The following RBFOX1 variants were observed in gnomAD, a reference collection of about 807,000 sequenced individuals.
RBFOX1 encodes RNA binding fox-1 homolog 1.
In RBFOX1, 8 loss-of-function variants were observed where a neutral mutation model predicts 57.7. The observed-to-expected ratio is 0.14, with a 90% CI of 0.08 to 0.25. RBFOX1 has a LOEUF of 0.25. Ranked by LOEUF, RBFOX1 falls within the 10% of genes least tolerant of loss-of-function variation. The probability of loss-of-function intolerance (pLI) is 1.00; values close to 1 mark genes in which losing one functional copy is unlikely to be tolerated. For synonymous variants in RBFOX1, 326 were observed against 222.4 expected (o/e 1.47, Z -4.15); for missense variants, 611 against 548.5 (o/e 1.11, Z -1.14).
chr16:6,010,047 C>G (rs143434631), intron 4 of RBFOX1, among the ~76,000 whole-genome samples: 3 of 152,062 alleles, frequency 2.0e-5, no homozygotes, highest in Non-Finnish European at 4.4e-5. Context: ...TTATCAGGCA[C>G]GTGGCTGCTG....
At chr16:6,897,160 G>A (rs1048248933) in intron 3 of RBFOX1, among the ~76,000 whole-genome samples, 1 of 152,194 alleles carries the variant, frequency 6.6e-6, no homozygotes, top group African/African-American at 2.4e-5. Context: ...AGCTGACACA[G>A]CGGCTGTAGA....
rs144521154 is a variant in RBFOX1, at chr16:6,549,269, G to C, written c.-63-105334G>C. ...GTAGGAGGAGGGAGGAGGAGGAGAG[G>C]AGGGAGGAGGAGGAGGGAGGAGTAG... On this transcript the variant is annotated intron_variant, in intron 2 of 15. Transcript: ENST00000550418. Among the ~76,000 whole-genome samples the C allele has an allele frequency of 4.4e-3, 54 of 12,142 alleles. 4 individuals are homozygous for C. Among genetic ancestry groups the C allele is most frequent in the African/African-American group, 0.017 (39 of 2,236 alleles). The allele number at this position is 12,142 out of a possible 152,430, so 8.0% of individuals were successfully genotyped here. A position where few individuals can be genotyped will look rare whatever the true frequency, so the allele number is the denominator to read the frequency against.
At chr16:7,610,777 G>A (rs1056593403) in intron 10 of RBFOX1, among the ~76,000 whole-genome samples, 6 of 152,216 alleles carry the variant, frequency 3.9e-5, no homozygotes, top group Non-Finnish European at 8.8e-5. Flanking sequence ...TCAGGCACCT[G>A]CATCTATGGA....
intron 2 of RBFOX1, among the ~76,000 whole-genome samples, chr16:6,416,518 A>G (rs2093628848): frequency 6.6e-6 from 1 of 151,772 alleles, no homozygotes; most frequent in Non-Finnish European, 1.5e-5. Context: ...TTACTGAAAG[A>G]GATTGTATTA....
At chr16:6,240,364 T>C (rs1567751457) in intron 1 of RBFOX1, among the ~76,000 whole-genome samples, 1 of 152,190 alleles carries the variant, frequency 6.6e-6, no homozygotes, top group Non-Finnish European at 1.5e-5. Flanking sequence ...TATCTTAAAG[T>C]AACTGTTGGC....
intron 3 of RBFOX1, among the ~76,000 whole-genome samples, chr16:6,686,488 G>C (rs928401186): frequency 1.3e-5 from 2 of 152,166 alleles, no homozygotes; most frequent in African/African-American, 2.4e-5. Context: ...ACGTGGTTGT[G>C]TCGTTTAAGT....
At chr16:5,671,927 A>G (rs1036927564) in intron 3 of RBFOX1, among the ~76,000 whole-genome samples, 1 of 152,180 alleles carries the variant, frequency 6.6e-6, no homozygotes, top group Admixed American at 6.5e-5. Flanking sequence ...AGCTTTTTCC[A>G]GGTAGAGTCA....
chr16:5,429,334 A>C (rs1219860489), intron 1 of RBFOX1, among the ~76,000 whole-genome samples: 2 of 152,134 alleles, frequency 1.3e-5, no homozygotes, highest in African/African-American at 4.8e-5. Context: ...ATTTCTCCGC[A>C]CTGGGTTCAC....
At chr16:5,391,898 C>G (rs2066420315) in intron 1 of RBFOX1, among the ~76,000 whole-genome samples, 1 of 151,134 alleles carries the variant, frequency 6.6e-6, no homozygotes, top group South Asian at 2.1e-4. Flanking sequence ...TATACACACA[C>G]ACACACACAC....
At position 6,256,213 on chromosome 16, in the gene RBFOX1, A is replaced by ATATATATGTG. The variant is rs1567788273; in HGVS notation, c.-126-60773_-126-60772insGTATATATGT. On this transcript the variant is annotated intron_variant, in intron 1 of 15. Transcript: ENST00000550418. ...TATATATATGTATATGTATATGTGT[A>ATATATATGTG]TATATATGTATATATATATGTGTAT... is the stretch of plus-strand genomic sequence containing the variant. Among the ~76,000 whole-genome samples the ATATATATGTG allele has an allele frequency of 1.9e-4, 13 of 67,116 alleles. 1 individual carries two copies. Among genetic ancestry groups the ATATATATGTG allele is most frequent in the Non-Finnish European group, 1.5e-4 (5 of 34,206 alleles). The allele number at this position is 67,116 out of a possible 152,430, so 44.0% of individuals were successfully genotyped here. A position where few individuals can be genotyped will look rare whatever the true frequency, so the allele number is the denominator to read the frequency against.
chr16:7,103,379 A>G (rs917472043), intron 4 of RBFOX1, among the ~76,000 whole-genome samples: 4 of 152,164 alleles, frequency 2.6e-5, no homozygotes, highest in African/African-American at 7.2e-5. Flanking sequence ...TAAAATAGCA[A>G]ATGAAGCTGG....
intron 4 of RBFOX1, among the ~76,000 whole-genome samples, chr16:7,271,731 G>T (rs770212147): frequency 7.9e-5 from 12 of 152,132 alleles, no homozygotes; most frequent in East Asian, 5.8e-4. Context: ...GCATAAAGTC[G>T]GTCCTGCTTC....
chr16:6,662,837 T>C (rs2098709934), intron 3 of RBFOX1, among the ~76,000 whole-genome samples: 1 of 152,230 alleles, frequency 6.6e-6, no homozygotes, highest in African/African-American at 2.4e-5. Context: ...CTGCTCTTTC[T>C]GTTTACTTCA....
At chr16:5,459,534 C>T (rs1475680689) in intron 1 of RBFOX1, among the ~76,000 whole-genome samples, 1 of 152,116 alleles carries the variant, frequency 6.6e-6, no homozygotes, top group African/African-American at 2.4e-5. Flanking sequence ...TGTCTCAAGG[C>T]CATCTCAAAT....
intron 2 of RBFOX1, among the ~76,000 whole-genome samples, chr16:6,615,531 C>G (rs2098129424): frequency 6.6e-6 from 1 of 151,124 alleles, no homozygotes; most frequent in African/African-American, 2.4e-5. Flanking sequence ...GATCGCACCA[C>G]ATCTCTCCAT....
At chr16:7,240,152 C>T (rs928871472) in intron 4 of RBFOX1, among the ~76,000 whole-genome samples, 4 of 151,814 alleles carry the variant, frequency 2.6e-5, no homozygotes, top group African/African-American at 7.3e-5. Context: ...TTTTCAGTAG[C>T]GAAAGGGTTT....
At chr16:7,512,547 G>T (rs1039308712) in intron 4 of RBFOX1, among the ~76,000 whole-genome samples, 1 of 152,208 alleles carries the variant, frequency 6.6e-6, no homozygotes, top group Non-Finnish European at 1.5e-5. Context: ...ACCAACATCT[G>T]TTTGAGAACT....
At chr16:6,959,758 G>T (rs751053106) in intron 3 of RBFOX1, among the ~76,000 whole-genome samples, 63 of 152,112 alleles carry the variant, frequency 4.1e-4, no homozygotes, top group Non-Finnish European at 7.9e-4. Context: ...CCAACATGGT[G>T]AAACCCCGTT....
chr16:5,268,591 A>T (rs990174438), intron 1 of RBFOX1, among the ~76,000 whole-genome samples: 2 of 152,198 alleles, frequency 1.3e-5, no homozygotes, highest in Admixed American at 1.3e-4. Flanking sequence ...TTTTTTTATG[A>T]GCAACTGATG....
Sources: allele counts gnomAD v4.1 joint callset (sites outside exome capture counted in the v4.1 genomes callset), GRCh38; gene constraint gnomAD v4.1.1; transcripts MANE v1.5; gene names NCBI Gene and HGNC (gene_info 2026-07-23, HGNC 2026-07-21).